The following SPSB1 variants were observed in gnomAD, a reference collection of about 807,000 sequenced individuals.
The protein encoded by SPSB1 is splA/ryanodine receptor domain and SOCS box containing 1.
Under a neutral mutation model 21.2 loss-of-function variants are expected in SPSB1, and 8 were observed. The ratio of observed to expected loss-of-function variants is 0.38; its 90% CI spans 0.22 to 0.68. The LOEUF is 0.68. Among genes scored for constraint, SPSB1 ranks in the 30% least tolerant of loss-of-function variants. The pLI, the probability that SPSB1 is intolerant of heterozygous loss-of-function variation, is 0.53. For synonymous variants in SPSB1, 169 were observed against 161.7 expected, an observed-to-expected ratio of 1.05 and a Z score of -0.34; for missense variants, 242 against 377.8, an observed-to-expected ratio of 0.64 and a Z score of 2.98.
intron 1 of SPSB1, among the ~76,000 whole-genome samples, chr1:9,353,251 T>C (rs1386735623): frequency 6.6e-6 from 1 of 151,678 alleles, no homozygotes; most frequent in East Asian, 2.0e-4. Context: ...CAGAAAATGC[T>C]CCAGTGGAGG....
chr1:9,325,050 G>A (rs918808284), intron 1 of SPSB1, among the ~76,000 whole-genome samples: 39 of 152,208 alleles, frequency 2.6e-4, no homozygotes, highest in African/African-American at 8.9e-4. Context: ...ATGGGCAGCC[G>A]GTGTGGATGC....
intron 1 of SPSB1, among the ~76,000 whole-genome samples, chr1:9,318,626 A>C (rs1011686454): frequency 1.1e-4 from 16 of 152,204 alleles, no homozygotes; most frequent in Non-Finnish European, 2.1e-4. Flanking sequence ...ACCTTGCGGA[A>C]TCGTGCAGGA....
chr1:9,337,696 G>C (rs1048920564), intron 1 of SPSB1, among the ~76,000 whole-genome samples: 4 of 152,210 alleles, frequency 2.6e-5, no homozygotes, highest in Admixed American at 2.6e-4. Context: ...GGGACTCCCT[G>C]GCCACCGGGG....
chr1:9,353,526 C>A (rs1441603704), intron 1 of SPSB1, among the ~76,000 whole-genome samples: 1 of 152,174 alleles, frequency 6.6e-6, no homozygotes, highest in Non-Finnish European at 1.5e-5. Flanking sequence ...GCCCTCTAGG[C>A]TGCAGAGGGG....
intron 1 of SPSB1, among the ~76,000 whole-genome samples, chr1:9,300,229 A>G (rs11121366): frequency 0.082 from 12,493 of 152,302 alleles, 684 homozygotes; most frequent in East Asian, 0.15. Flanking sequence ...TGCAACCAAG[A>G]AAGAGGCACA....
Position 9,368,312 on chromosome 1 carries a change from GC to G in SPSB1, c.*740del, listed in dbSNP as rs1640610952. On this transcript the variant is annotated 3_prime_UTR_variant, in exon 3 of 3. Transcript: ENST00000328089. ...GCCCTCCCTGGGATATGTATGCCTC[GC>G]CCGCCCTCCCTGGGCACATGTGCAC... 2 of 152,212 alleles carry G rather than the reference GC, an allele frequency of 1.3e-5. No homozygotes were observed. The highest frequency in any genetic ancestry group is 4.8e-5 in the African/African-American group (2 of 41,374). 9.4% of individuals were successfully genotyped at this position (152,212 alleles called of 1,614,324 possible).
intron 2 of SPSB1, among the ~76,000 whole-genome samples, chr1:9,365,589 AG>A (rs1640557354): frequency 6.6e-6 from 1 of 152,208 alleles, no homozygotes; most frequent in Non-Finnish European, 1.5e-5. Flanking sequence ...AAACAATTTT[AG>A]AACATTTTCA....
In SPSB1 at chr1:9,324,935, A is replaced by T. The variant is rs1395289534; in HGVS notation, c.-149-30808A>T. Among the ~76,000 whole-genome samples the T allele has an allele frequency of 6.6e-6, 1 of 152,108 alleles. No individual in the cohort carries two copies. Among genetic ancestry groups the T allele is most frequent in the African/African-American group, 2.4e-5 (1 of 41,412 alleles). On this transcript the variant is annotated intron_variant, in intron 1 of 2. Coordinates refer to ENST00000328089, the MANE Select transcript of SPSB1 (RefSeq NM_025106.4). This position sits in a 1 kb window ranked among gnomAD's most constrained non-coding sequence, Gnocchi z 4.3. ...GCGAGTGGGGTGGGGGAGCAGGGAC[A>T]CCCGGCCTGGCGGGCTGGTGGATCG...
intron 1 of SPSB1, among the ~76,000 whole-genome samples, chr1:9,323,356 G>A (rs1639756969): frequency 6.6e-6 from 1 of 152,212 alleles, no homozygotes; most frequent in Admixed American, 6.5e-5. Flanking sequence ...TGCCCTCCAT[G>A]GAGTCACTGG....
At chr1:9,359,850 G>GA (rs555231785) in intron 2 of SPSB1, among the ~76,000 whole-genome samples, 1 of 151,192 alleles carries the variant, frequency 6.6e-6, no homozygotes, top group Non-Finnish European at 1.5e-5. Flanking sequence ...TGGAAGCCGG[G>GA]GGGGTGGGTG....
chr1:9,369,166 T>G lies in SPSB1; in HGVS notation c.*1591T>G, dbSNP rs1418984842. The G allele has an allele frequency of 1.3e-5, 2 of 152,450 alleles. No homozygotes were observed. The highest frequency in any genetic ancestry group is 2.9e-5 in the Non-Finnish European group (2 of 68,012). The allele number at this position is 152,450 out of a possible 1,614,324, so 9.4% of individuals were successfully genotyped here. Reference sequence around the variant, plus strand: ...TAAAGCACAAAATTGGTGCCAAGACTGGGTGAGAAATGTACATTACCCCCT... The same window carrying G: ...TAAAGCACAAAATTGGTGCCAAGACGGGGTGAGAAATGTACATTACCCCCT... On this transcript the variant is annotated 3_prime_UTR_variant, in exon 3 of 3. Coordinates refer to ENST00000328089, the MANE Select transcript of SPSB1 (RefSeq NM_025106.4).
intron 1 of SPSB1, among the ~76,000 whole-genome samples, chr1:9,311,804 A>G (rs1639525627): frequency 2.0e-5 from 3 of 151,866 alleles, no homozygotes; most frequent in Non-Finnish European, 4.4e-5. Flanking sequence ...TTTCTCCCTG[A>G]AAAGGTGGGT....
chr1:9,359,406 A>G (rs918073865), intron 2 of SPSB1, among the ~76,000 whole-genome samples: 1 of 152,150 alleles, frequency 6.6e-6, no homozygotes, highest in South Asian at 2.1e-4. Flanking sequence ...CTTGTGTCTT[A>G]GGAGTGTCGT....
intron 1 of SPSB1, among the ~76,000 whole-genome samples, chr1:9,328,416 G>A (rs1041691569): frequency 3.3e-5 from 5 of 152,302 alleles, no homozygotes; most frequent in Admixed American, 2.0e-4. Flanking sequence ...ATGCTGATGC[G>A]TTTGTGACTC....
intron 1 of SPSB1, among the ~76,000 whole-genome samples, chr1:9,352,625 A>T (rs1359783627): frequency 2.6e-5 from 4 of 151,874 alleles, no homozygotes; most frequent in Non-Finnish European, 5.9e-5. Flanking sequence ...TGGGTTTATT[A>T]GCCTGAGAGC....
chr1:9,342,835 G>A (rs1282631068), intron 1 of SPSB1, among the ~76,000 whole-genome samples: 1 of 152,226 alleles, frequency 6.6e-6, no homozygotes, highest in Admixed American at 6.5e-5. Flanking sequence ...AGGGGGCAGA[G>A]GCCTGGACTG....
intron 2 of SPSB1, among the ~76,000 whole-genome samples, chr1:9,357,412 C>G (rs1472555416): frequency 1.3e-5 from 2 of 152,178 alleles, no homozygotes; most frequent in African/African-American, 2.4e-5. Flanking sequence ...CTCTGGGTGA[C>G]CTGCCTCCAG....
intron 2 of SPSB1, among the ~76,000 whole-genome samples, chr1:9,360,494 T>TCAGGAGGC (rs1005470334): frequency 6.6e-6 from 1 of 152,092 alleles, no homozygotes; most frequent in Non-Finnish European, 1.5e-5. Context: ...GCAGAAGCGC[T>TCAGGAGGC]CAGGAGGCCA....
intron 1 of SPSB1, among the ~76,000 whole-genome samples, chr1:9,319,133 A>G (rs1193500752): frequency 1.3e-5 from 2 of 152,236 alleles, no homozygotes; most frequent in East Asian, 3.9e-4. Flanking sequence ...GTGAGCCAAG[A>G]TCACACCACT....
Sources: gnomAD v4.1 joint callset for allele counts (sites outside exome capture counted in the v4.1 genomes callset) on GRCh38, gnomAD v4.1.1 for gene constraint, Gnocchi (gnomAD v3.1) non-coding constraint, MANE v1.5 for transcripts, NCBI Gene and HGNC (gene_info 2026-07-23, HGNC 2026-07-21) for gene names.